The following EPHA3 variants were observed in gnomAD, a reference collection of about 807,000 sequenced individuals.
EPHA3 encodes the protein ephrin type-A receptor 3.
A neutral mutation model predicts 107.1 loss-of-function variants in EPHA3; 42 were observed. The ratio of observed to expected loss-of-function variants is 0.39; its 90% confidence interval spans 0.31 to 0.51. The LOEUF (loss-of-function observed/expected upper bound fraction) is 0.51. EPHA3 is among the 20% of genes least tolerant of loss of function. EPHA3 has a pLI of 0.78. For synonymous variants in EPHA3, 461 were observed against 424.8 expected, an observed-to-expected ratio of 1.09 and a Z score of -1.05; for missense variants, 1,183 against 1,211.2, an observed-to-expected ratio of 0.98 and a Z score of 0.35.
At chr3:89,429,729 T>TCTAA (rs1709528879) in intron 12 of EPHA3, among the ~76,000 whole-genome samples, 1 of 151,866 alleles carries the variant, frequency 6.6e-6, no homozygotes, top group African/African-American at 2.4e-5. Context: ...TATCTATCTA[T>TCTAA]CTATCTATCT....
Position 89,450,230 on chromosome 3 carries a change from A to G in EPHA3, c.2550A>G (p.Pro850=). ...GYRLPPPMDC[P]AALYQLMLDC... Reference sequence around the variant, plus strand: ...GACTGCCACCCCCCATGGACTGCCCAGCTGCCTTGTATCAGCTGATGCTGG... The same window carrying G: ...GACTGCCACCCCCCATGGACTGCCCGGCTGCCTTGTATCAGCTGATGCTGG... The change falls in exon 15 of 17, where the codon CCA becomes CCG. Residue 850 remains proline (P), a synonymous_variant. Coordinates refer to ENST00000336596, the MANE Select transcript of EPHA3 (RefSeq NM_005233.6). 6.2e-7 allele frequency: 1 copy of G among 1,613,744 alleles called. No homozygotes were observed. The highest frequency in any genetic ancestry group is 1.1e-5 in the South Asian group (1 of 90,958).
chr3:89,481,269 T>C lies in EPHA3; in HGVS notation c.*1767T>C, dbSNP rs1710616582. The C allele has an allele frequency of 8.6e-6, 2 of 232,172 alleles. No individual in the cohort carries two copies. The highest frequency in any genetic ancestry group is 5.6e-5 in the Admixed American group (1 of 17,746). The allele number at this position is 232,172 out of a possible 1,614,324, so 14.4% of individuals were successfully genotyped here. Reference sequence around the variant, plus strand: ...AAGACTTAGATTGTGCTCCTTCGGATATGATTGTTTCTCAAATCTTGGCAA... The same window carrying C: ...AAGACTTAGATTGTGCTCCTTCGGACATGATTGTTTCTCAAATCTTGGCAA... On this transcript the variant is annotated 3_prime_UTR_variant, in exon 17 of 17. Transcript: ENST00000336596.
At chr3:89,253,136 G>A (rs897821306) in intron 3 of EPHA3, among the ~76,000 whole-genome samples, 17 of 151,854 alleles carry the variant, frequency 1.1e-4, no homozygotes, top group African/African-American at 3.1e-4. Context: ...AGGAGTTATA[G>A]GCTTACAGTT....
In EPHA3 at chr3:89,479,549, G is replaced by A; in HGVS notation, c.*47G>A. Reference sequence around the variant, plus strand: ...TGGACGGAAGTGGTGGCTGTGGAAGGCGTAGCATCATCCTGCAGACAGACA... The same window carrying A: ...TGGACGGAAGTGGTGGCTGTGGAAGACGTAGCATCATCCTGCAGACAGACA... On this transcript the variant is annotated 3_prime_UTR_variant, in exon 17 of 17. Transcript: ENST00000336596. 7.0e-7 allele frequency: 1 copy of A among 1,433,602 alleles called. No individual in the cohort carries two copies. The highest frequency in any genetic ancestry group is 9.8e-7 in the Non-Finnish European group (1 of 1,017,704). 88.8% of individuals were successfully genotyped at this position (1,433,602 alleles called of 1,614,324 possible). A position where few individuals can be genotyped will look rare whatever the true frequency, so the allele number is the denominator to read the frequency against.
chr3:89,196,033 C>G (rs1243877076), intron 2 of EPHA3, among the ~76,000 whole-genome samples: 4 of 152,122 alleles, frequency 2.6e-5, no homozygotes, highest in Admixed American at 1.3e-4. Flanking sequence ...TCCCCTTCCT[C>G]CTTCTCCCAG....
chr3:89,395,990 T>C, intron 6 of EPHA3, 29 bp downstream of exon 6: 2 of 1,609,230 alleles, frequency 1.2e-6, no homozygotes, highest in Non-Finnish European at 1.7e-6. Context: ...AGGGTTGGGC[T>C]GTGTAGGCAA....
intron 3 of EPHA3, among the ~76,000 whole-genome samples, chr3:89,288,491 C>A (rs1706141054): frequency 6.6e-6 from 1 of 152,046 alleles, no homozygotes; most frequent in African/African-American, 2.4e-5. Context: ...AGCACAGCAA[C>A]CATTAAGTGA....
intron 3 of EPHA3, among the ~76,000 whole-genome samples, chr3:89,287,012 A>G (rs574264677): frequency 6.6e-6 from 1 of 152,324 alleles, no homozygotes; most frequent in East Asian, 1.9e-4. Context: ...TTATGAAAAC[A>G]GGAACATGTT....
At position 89,250,548 on chromosome 3, in the gene EPHA3, C is replaced by T. The variant is rs187992992; in HGVS notation, c.814+40028C>T. ...TTCTATAATATACCAAATTCTTAAA[C>T]TTGGTTATCCAGAATCCAATCTTGG... On this transcript the variant is annotated intron_variant, in intron 3 of 16. Coordinates refer to ENST00000336596, the MANE Select transcript of EPHA3 (RefSeq NM_005233.6). Among the ~76,000 whole-genome samples the T allele has an allele frequency of 1.8e-4, 27 of 152,232 alleles. No homozygotes were observed. In the East Asian group the frequency reaches 2.7e-3, roughly 15 times the overall value.
chr3:89,119,471 C>G (rs1299007699), intron 1 of EPHA3, among the ~76,000 whole-genome samples: 2 of 152,064 alleles, frequency 1.3e-5, no homozygotes, highest in African/African-American at 4.8e-5. Flanking sequence ...TTGAAATAAA[C>G]TGCTAAGAAT....
intron 2 of EPHA3, among the ~76,000 whole-genome samples, chr3:89,178,963 A>G (rs1705378935): frequency 1.3e-5 from 2 of 151,816 alleles, no homozygotes; most frequent in South Asian, 4.2e-4. Flanking sequence ...GTGGTATAAA[A>G]ACTAGATGTA....
At chr3:89,213,666 C>T (rs574730406) in intron 3 of EPHA3, among the ~76,000 whole-genome samples, 1 of 151,982 alleles carries the variant, frequency 6.6e-6, no homozygotes, top group African/African-American at 2.4e-5. Flanking sequence ...TATCTTTCTG[C>T]TTTAAAATAA....
intron 2 of EPHA3, among the ~76,000 whole-genome samples, chr3:89,145,254 G>C (rs369502652): frequency 6.5e-5 from 9 of 139,348 alleles, no homozygotes; most frequent in African/African-American, 2.4e-4. Context: ...TATTTTAGTT[G>C]TGTGTATTAC....
chr3:89,413,082 T>C, intron 9 of EPHA3, 59 bp from the exon 10 acceptor site: 2 of 1,598,860 alleles, frequency 1.3e-6, no homozygotes, highest in Admixed American at 1.7e-5. Flanking sequence ...TAAAATTTGA[T>C]CTATAATTGT....
chr3:89,139,411 A>G (rs905867237), intron 2 of EPHA3, among the ~76,000 whole-genome samples: 1 of 151,816 alleles, frequency 6.6e-6, no homozygotes, highest in Non-Finnish European at 1.5e-5. Context: ...CTGTATCCGT[A>G]TTGTTGGATG....
chr3:89,341,933 C>T lies in EPHA3; in HGVS notation c.1149C>T (p.Leu383=), dbSNP rs751263935. 4 of 1,613,594 alleles carry T rather than the reference C, an allele frequency of 2.5e-6. No individual in the cohort carries two copies. The highest frequency in any genetic ancestry group is 1.3e-5 in the African/African-American group (1 of 74,820). ...CATGCAGCCCAAATGTCCGCTTCCT[C>T]CCTCGACAGTTTGGACTCACCAACA... is the stretch of plus-strand genomic sequence containing the variant. The part of the protein sequence containing the change: ...CEPCSPNVRF[L]PRQFGLTNTT... The change falls in exon 5 of 17, where the codon CTC becomes CTT. Residue 383 remains leucine, a synonymous_variant. Coordinates refer to ENST00000336596, the MANE Select transcript of EPHA3 (RefSeq NM_005233.6).
chr3:89,383,540 G>T (rs1388274528), intron 5 of EPHA3, among the ~76,000 whole-genome samples: 1 of 151,108 alleles, frequency 6.6e-6, no homozygotes, highest in Non-Finnish European at 1.5e-5. Flanking sequence ...AGCCCTGAAT[G>T]ACCCTCACTC....
intron 2 of EPHA3, among the ~76,000 whole-genome samples, chr3:89,138,021 G>A (rs1704352779): frequency 6.6e-6 from 1 of 151,822 alleles, no homozygotes; most frequent in Non-Finnish European, 1.5e-5. Flanking sequence ...TCAAGTTTGG[G>A]GATTGCTGTG....
At chr3:89,402,230 T>C (rs1559682847) in intron 7 of EPHA3, among the ~76,000 whole-genome samples, 1 of 152,200 alleles carries the variant, frequency 6.6e-6, no homozygotes, top group Non-Finnish European at 1.5e-5. Context: ...GTCTGAGGTT[T>C]AGGAAATATC....
Sources: gnomAD v4.1 joint callset for allele counts (sites outside exome capture counted in the v4.1 genomes callset) on GRCh38, gnomAD v4.1.1 for gene constraint, MANE v1.5 for transcripts, NCBI Gene and HGNC (gene_info 2026-07-23, HGNC 2026-07-21) for gene names.